The following EHBP1 variants were observed in gnomAD, a reference collection of about 807,000 sequenced individuals.
EHBP1 encodes the protein EH domain binding protein 1.
In EHBP1, 55 loss-of-function variants were observed where a neutral mutation model predicts 144.0. That is an observed-to-expected ratio of 0.38 (90% CI 0.31 to 0.48). EHBP1 has a LOEUF of 0.48. EHBP1 is among the 20% of genes least tolerant of loss of function. The pLI is 0.98. For synonymous variants in EHBP1, 469 were observed against 472.7 expected, an observed-to-expected ratio of 0.99 and a Z score of 0.10; for missense variants, 1,200 against 1,364.2, an observed-to-expected ratio of 0.88 and a Z score of 1.90.
intron 7 of EHBP1, chr2:62,858,520 C>T (rs945863143): frequency 1.9e-6 from 3 of 1,567,292 alleles, no homozygotes; most frequent in African/African-American, 2.7e-5. Flanking sequence ...GGTCTAAGAG[C>T]TTTCCTCCTT....
chr2:62,846,254 G>A (rs955255720), intron 7 of EHBP1, among the ~76,000 whole-genome samples: 4 of 152,138 alleles, frequency 2.6e-5, no homozygotes, highest in African/African-American at 4.8e-5. Flanking sequence ...GGATGGGAAC[G>A]AGGGCTCTAA....
chr2:62,733,215 G>A (rs565697302), intron 2 of EHBP1, among the ~76,000 whole-genome samples: 18 of 152,288 alleles, frequency 1.2e-4, no homozygotes, highest in Non-Finnish European at 8.8e-5. Context: ...GCCCTTTTTA[G>A]TAAAAGGTTT....
At chr2:62,798,194 C>T (rs1239478843) in intron 5 of EHBP1, among the ~76,000 whole-genome samples, 1 of 151,944 alleles carries the variant, frequency 6.6e-6, no homozygotes, top group African/African-American at 2.4e-5. Flanking sequence ...TGGTGAAACC[C>T]CCGTCTCTAC....
intron 10 of EHBP1, among the ~76,000 whole-genome samples, chr2:62,924,442 A>T (rs1438438469): frequency 6.6e-6 from 1 of 152,260 alleles, no homozygotes; most frequent in Non-Finnish European, 1.5e-5. Context: ...TTTTTTGAAA[A>T]GATAAACGAA....
chr2:62,782,762 A>G (rs891972812), intron 5 of EHBP1, among the ~76,000 whole-genome samples: 1 of 152,172 alleles, frequency 6.6e-6, no homozygotes, highest in Admixed American at 6.5e-5. Context: ...TTACAATTCA[A>G]GATAAGATTT....
intron 10 of EHBP1, among the ~76,000 whole-genome samples, chr2:62,902,643 C>G (rs1295314860): frequency 6.6e-6 from 1 of 152,018 alleles, no homozygotes; most frequent in Non-Finnish European, 1.5e-5. Context: ...CCATGTTGGG[C>G]TGTAATAGTT....
chr2:62,886,113 T>G (rs1323526273), intron 10 of EHBP1, among the ~76,000 whole-genome samples: 1 of 152,172 alleles, frequency 6.6e-6, no homozygotes, highest in Non-Finnish European at 1.5e-5. Flanking sequence ...GCAAGCACCC[T>G]TTTCAGCTTT....
intron 10 of EHBP1, among the ~76,000 whole-genome samples, chr2:62,883,162 T>G (rs1157563640): frequency 6.6e-6 from 1 of 152,216 alleles, no homozygotes; most frequent in Non-Finnish European, 1.5e-5. Context: ...AAATTCAGGT[T>G]CATTGTGTGC....
intron 1 of EHBP1, among the ~76,000 whole-genome samples, chr2:62,697,086 A>G (rs556676977): frequency 6.6e-6 from 1 of 152,306 alleles, no homozygotes; most frequent in South Asian, 2.1e-4. Context: ...GCTCAAGGGA[A>G]TATGTTAATC....
At chr2:62,682,529 TC>T (rs2033566804) in intron 1 of EHBP1, among the ~76,000 whole-genome samples, 1 of 152,138 alleles carries the variant, frequency 6.6e-6, no homozygotes, top group Non-Finnish European at 1.5e-5. Flanking sequence ...ACCAAGAAAA[TC>T]CTATACTCAG....
intron 15 of EHBP1, among the ~76,000 whole-genome samples, chr2:62,985,883 G>A (rs756350911): frequency 6.6e-6 from 1 of 152,082 alleles, no homozygotes; most frequent in Non-Finnish European, 1.5e-5. Context: ...TGGTATTATA[G>A]TCCCTTGAAT....
chr2:62,691,994 C>A (rs913170375), intron 1 of EHBP1, among the ~76,000 whole-genome samples: 1 of 152,094 alleles, frequency 6.6e-6, no homozygotes, highest in African/African-American at 2.4e-5. Context: ...CAACCATCAT[C>A]ACTATGTAAT....
chr2:62,935,002 AT>A (rs1188779546), intron 10 of EHBP1, among the ~76,000 whole-genome samples: 1 of 152,036 alleles, frequency 6.6e-6, no homozygotes, highest in Non-Finnish European at 1.5e-5. Flanking sequence ...AATTGATATC[AT>A]TACAAAATTG....
At chr2:62,766,528 G>A (rs934116841) in intron 4 of EHBP1, among the ~76,000 whole-genome samples, 1 of 152,184 alleles carries the variant, frequency 6.6e-6, no homozygotes, top group South Asian at 2.1e-4. Context: ...ATACTTTATC[G>A]AGATAATCTC....
chr2:62,779,302 A>C (rs1315387675), intron 5 of EHBP1, among the ~76,000 whole-genome samples: 1 of 152,228 alleles, frequency 6.6e-6, no homozygotes, highest in African/African-American at 2.4e-5. Flanking sequence ...TCCAATAATT[A>C]AGAATGGTTT....
chr2:62,909,988 C>T (rs1341929361), intron 10 of EHBP1, among the ~76,000 whole-genome samples: 1 of 151,916 alleles, frequency 6.6e-6, no homozygotes, highest in African/African-American at 2.4e-5. Flanking sequence ...CTCCTGATCT[C>T]AGGTGATCCA....
At chr2:62,899,925 G>T (rs1310278016) in intron 10 of EHBP1, among the ~76,000 whole-genome samples, 3 of 152,212 alleles carry the variant, frequency 2.0e-5, no homozygotes, top group Non-Finnish European at 4.4e-5. Flanking sequence ...GATGGAGTGG[G>T]TGCTGTTGTC....
At chr2:62,876,639 G>A (rs1488438682) in intron 10 of EHBP1, among the ~76,000 whole-genome samples, 1 of 152,142 alleles carries the variant, frequency 6.6e-6, no homozygotes, top group Admixed American at 6.5e-5. Context: ...AGTTCTGCAG[G>A]CTGTATAGGA....
At chr2:62,675,303 C>A (rs2033244970) in intron 1 of EHBP1, among the ~76,000 whole-genome samples, 3 of 152,096 alleles carry the variant, frequency 2.0e-5, no homozygotes, top group Admixed American at 6.5e-5. Context: ...AACCCTAGTG[C>A]CAGGGAAGAG....
Sources: allele counts gnomAD v4.1 joint callset (sites outside exome capture counted in the v4.1 genomes callset), GRCh38; gene constraint gnomAD v4.1.1; transcripts MANE v1.5; gene names NCBI Gene and HGNC (gene_info 2026-07-23, HGNC 2026-07-21).